The following DCAF6 variants were observed in gnomAD, a reference collection of about 807,000 sequenced individuals.
DCAF6 encodes the protein DDB1 and CUL4 associated factor 6.
Under a neutral mutation model 125.1 loss-of-function variants are expected in DCAF6, and 54 were observed. The ratio of observed to expected loss-of-function variants is 0.43; its 90% CI spans 0.35 to 0.54. The LOEUF (loss-of-function observed/expected upper bound fraction) is 0.54. DCAF6 is among the 20% of genes least tolerant of loss of function. The probability of loss-of-function intolerance (pLI) is 0.01; values close to 1 mark genes in which losing one functional copy is unlikely to be tolerated. For synonymous variants in DCAF6, 371 were observed against 390.4 expected, an observed-to-expected ratio of 0.95 and a Z score of 0.58; for missense variants, 934 against 1,161.7, an observed-to-expected ratio of 0.80 and a Z score of 2.85.
At chr1:167,900,976 A>C in the DCAF6 span, among the ~76,000 whole-genome samples, 1 of 152,182 alleles carries the variant, frequency 6.6e-6, no homozygotes, top group Non-Finnish European at 1.5e-5. Context: ...GCGGAAGCTA[A>C]CACCAACAGC....
intron 12 of DCAF6, among the ~76,000 whole-genome samples, chr1:168,032,084 A>G (rs191845023): frequency 1.3e-5 from 2 of 152,372 alleles, no homozygotes; most frequent in African/African-American, 4.8e-5. Context: ...TAAAATTATT[A>G]TAATTGACAT....
the DCAF6 span, among the ~76,000 whole-genome samples, chr1:167,887,649 A>T: frequency 2.0e-5 from 3 of 152,178 alleles, no homozygotes; most frequent in African/African-American, 7.2e-5. Flanking sequence ...ACATAACGTA[A>T]CAAACCTGCA....
the DCAF6 span, among the ~76,000 whole-genome samples, chr1:167,929,080 C>T: frequency 3.3e-5 from 5 of 152,204 alleles, no homozygotes; most frequent in East Asian, 3.9e-4. Flanking sequence ...ACATTTAGGC[C>T]GGGCGTGGTG....
chr1:167,949,413 G>A (rs1673587528), intron 1 of DCAF6, among the ~76,000 whole-genome samples: 1 of 152,178 alleles, frequency 6.6e-6, no homozygotes, highest in African/African-American at 2.4e-5. Flanking sequence ...AGTACTGAGA[G>A]CCTCTTGAGC....
At chr1:168,070,245 A>G (rs1692854093) in intron 21 of DCAF6, among the ~76,000 whole-genome samples, 1 of 152,034 alleles carries the variant, frequency 6.6e-6, no homozygotes, top group Admixed American at 6.6e-5. Context: ...ACAAAATACT[A>G]GATAGAATAA....
intron 10 of DCAF6, among the ~76,000 whole-genome samples, chr1:168,007,627 A>G (rs1407285814): frequency 6.6e-6 from 1 of 152,122 alleles, no homozygotes; most frequent in Non-Finnish European, 1.5e-5. Flanking sequence ...CTCCTTCTTG[A>G]AACACTTTCC....
At chr1:167,924,364 A>AT in the DCAF6 span, 1 of 662,066 alleles carries the variant, frequency 1.5e-6, no homozygotes, top group Non-Finnish European at 2.4e-6. Flanking sequence ...GTCTGAGAAT[A>AT]TTTGCCATGA....
chr1:167,925,446 T>C, the DCAF6 span, among the ~76,000 whole-genome samples: 253 of 84,902 alleles, frequency 3.0e-3, no homozygotes, highest in South Asian at 0.031. Context: ...TATACACATA[T>C]ATATATATAT....
chr1:168,029,515 TAAC>T (rs1457921532), intron 12 of DCAF6, among the ~76,000 whole-genome samples: 1 of 152,214 alleles, frequency 6.6e-6, no homozygotes, highest in Non-Finnish European at 1.5e-5. Context: ...TTTATAATAA[TAAC>T]AGCAACAACA....
rs201815206 is a variant in DCAF6 at position 168,045,106 on chromosome 1, A to G, written c.2137A>G (p.Thr713Ala). 1.2e-6 allele frequency: 2 copies of G among 1,614,074 alleles called. No individual in the cohort carries two copies. Among genetic ancestry groups the G allele is most frequent in the Non-Finnish European group, 1.7e-6 (2 of 1,179,962 alleles). The change falls in exon 16 of 22, where the codon ACT becomes GCT. Residue 713 changes from threonine (T) to alanine (A), a missense_variant. Physicochemically the swap from Thr to Ala is moderately conservative, Grantham distance 58 (BLOSUM62 0). Around this residue, in one of 5 missense-constraint regions of DCAF6, gnomAD observed 559 missense variants for 635.5 expected, o/e 0.88. Coordinates refer to ENST00000367840, the MANE Select transcript of DCAF6 (RefSeq NM_001198956.2). The stretch of plus-strand genomic sequence containing the variant: ...TGAGCCTCAGTTCCAAACAGAAGCC[A>G]CTGGGCCTTCAGCTCATGAAGAAAC... ...NPEPQFQTEA[T>A]GPSAHEETST...
rs535950282 is a variant in DCAF6, at chr1:168,004,879, A to G, written c.1378+86A>G. 2.6e-4 allele frequency: 369 copies of G among 1,403,286 alleles called. 5 individuals are homozygous for G. The South Asian group carries it at 5.0e-3, about 19-fold the overall frequency. 86.9% of individuals were successfully genotyped at this position (1,403,286 alleles called of 1,614,324 possible). A position where few individuals can be genotyped will look rare whatever the true frequency, so the allele number is the denominator to read the frequency against. ...GCTATTTTGAAAGATACTAAATCAC[A>G]TCAACTTCTTGTTGGAATAAATGAT... On this transcript the variant is annotated intron_variant, in intron 10 of 21. Coordinates refer to ENST00000367840, the MANE Select transcript of DCAF6 (RefSeq NM_001198956.2).
chr1:168,043,196 A>G (rs1688770307), intron 14 of DCAF6, 56 bp downstream of exon 14: 2 of 1,282,424 alleles, frequency 1.6e-6, no homozygotes, highest in East Asian at 2.3e-5. Flanking sequence ...ATGTTTATCT[A>G]CTTTCCTGTT....
intron 17 of DCAF6, among the ~76,000 whole-genome samples, chr1:168,057,345 A>G (rs1440180117): frequency 6.6e-6 from 1 of 152,178 alleles, no homozygotes; most frequent in African/African-American, 2.4e-5. Flanking sequence ...TGCTTCATGT[A>G]ACTTCATACT....
Position 168,054,470 on chromosome 1 carries a change from C to A in DCAF6, c.2300+3537C>A, listed in dbSNP as rs574565427. Among the ~76,000 whole-genome samples the A allele has an allele frequency of 2.0e-5, 3 of 152,224 alleles. No homozygotes were observed. In the South Asian group the frequency reaches 6.2e-4, roughly 32 times the overall value. ...CATGATCCAATCACCTTTTAAAGAC[C>A]CCACCTCTCAGTACTGCCACATTGG... On this transcript the variant is annotated intron_variant, in intron 17 of 21. Coordinates refer to ENST00000367840, the MANE Select transcript of DCAF6 (RefSeq NM_001198956.2).
the DCAF6 span, chr1:167,880,575 C>G: frequency 6.2e-7 from 1 of 1,614,022 alleles, no homozygotes; most frequent in Non-Finnish European, 8.5e-7. Context: ...TACCTTTTCC[C>G]CAGGGAAGCC....
chr1:167,944,085 G>T (rs922666086), intron 1 of DCAF6, among the ~76,000 whole-genome samples: 5 of 152,112 alleles, frequency 3.3e-5, no homozygotes, highest in Non-Finnish European at 5.9e-5. Flanking sequence ...CTTGTGATCT[G>T]CCCGCCTCGG....
chr1:168,019,667 G>A (rs1449498590), intron 11 of DCAF6: 1 of 225,376 alleles, frequency 4.4e-6, no homozygotes, highest in Non-Finnish European at 9.7e-6. Context: ...GAGAGGGTCA[G>A]GTAGGAACTG....
chr1:167,882,049 T>C, the DCAF6 span, among the ~76,000 whole-genome samples: 17 of 152,352 alleles, frequency 1.1e-4, no homozygotes, highest in African/African-American at 4.1e-4. Flanking sequence ...AAATGCTTGT[T>C]GAATTAGTGA....
At chr1:167,888,248 TG>T in the DCAF6 span, among the ~76,000 whole-genome samples, 1 of 152,218 alleles carries the variant, frequency 6.6e-6, no homozygotes, top group Non-Finnish European at 1.5e-5. Context: ...CAGATAGCTT[TG>T]GCTACTCTGG....
Sources: gnomAD v4.1 joint callset for allele counts (sites outside exome capture counted in the v4.1 genomes callset) on GRCh38, gnomAD v4.1.1 for gene constraint, gnomAD v4.1.1 regional missense constraint, MANE v1.5 for transcripts, NCBI Gene and HGNC (gene_info 2026-07-23, HGNC 2026-07-21) for gene names.